ASAP3: variants seen among roughly 807,000 people sequenced by gnomAD.
ASAP3 encodes the protein ArfGAP with SH3 domain, ankyrin repeat and PH domain 3, also known as arf-GAP with SH3 domain, ANK repeat and PH domain-containing protein 3.
In ASAP3, 85 loss-of-function variants were observed where a neutral mutation model predicts 118.2. That is an observed-to-expected ratio of 0.72 (90% CI 0.60 to 0.86). ASAP3 has a LOEUF of 0.86. Among genes scored for constraint, ASAP3 ranks in the 40% least tolerant of loss-of-function variants. ASAP3 has a pLI of 0.00. For missense variants in ASAP3, 1,026 were observed against 1,175.0 expected (o/e 0.87, Z 1.85); for synonymous variants, 432 against 477.4 (o/e 0.90, Z 1.24).
At chr1:23,461,487 T>C (rs1641583520) in intron 1 of ASAP3, among the ~76,000 whole-genome samples, 1 of 151,918 alleles carries the variant, frequency 6.6e-6, no homozygotes, top group East Asian at 1.9e-4. Flanking sequence ...GGCAACATAG[T>C]GAGAGTCTGT....
Position 23,428,868 on chromosome 1 carries a change from T to C in ASAP3, c.*988A>G, listed in dbSNP as rs948137500. On this transcript the variant is annotated 3_prime_UTR_variant, in exon 25 of 25. Transcript: ENST00000336689. The stretch of plus-strand genomic sequence containing the variant: ...CTTTCTCATTGGGGCTGAGCAATGA[T>C]AGAATTTCTAGGGCTGGGAAGCAGA... 5 of 154,818 alleles carry C rather than the reference T, an allele frequency of 3.2e-5. No homozygotes were observed. Among genetic ancestry groups the C allele is most frequent in the Admixed American group, 2.6e-4 (4 of 15,300 alleles). The allele number at this position is 154,818 out of a possible 1,614,324, so 9.6% of individuals were successfully genotyped here. A position where few individuals can be genotyped will look rare whatever the true frequency, so the allele number is the denominator to read the frequency against.
At chr1:23,467,914 T>C (rs1641826827) in intron 1 of ASAP3, among the ~76,000 whole-genome samples, 1 of 141,062 alleles carries the variant, frequency 7.1e-6, no homozygotes, top group South Asian at 2.2e-4. Flanking sequence ...ATCACGCCAC[T>C]GCACTCTAGC....
intron 1 of ASAP3, among the ~76,000 whole-genome samples, chr1:23,460,668 G>A (rs1031098151): frequency 6.6e-6 from 1 of 152,184 alleles, no homozygotes; most frequent in Non-Finnish European, 1.5e-5. Context: ...CAGTTTGACA[G>A]TTTCTTAACT....
chr1:23,470,924 A>T (rs1259440936), intron 1 of ASAP3, among the ~76,000 whole-genome samples: 1 of 152,180 alleles, frequency 6.6e-6, no homozygotes, highest in African/African-American at 2.4e-5. Flanking sequence ...ATGAGCTAAG[A>T]GAACAAGAAC....
chr1:23,471,990 C>T (rs1190550004), intron 1 of ASAP3, among the ~76,000 whole-genome samples: 1 of 151,964 alleles, frequency 6.6e-6, no homozygotes, highest in East Asian at 1.9e-4. Context: ...AGAGATCAGA[C>T]AAAAAAGGCC....
intron 24 of ASAP3, 84 bp downstream of exon 24, chr1:23,430,951 C>T: frequency 7.6e-7 from 1 of 1,313,034 alleles, no homozygotes; most frequent in Admixed American, 2.7e-5. Flanking sequence ...GGAGGTCTCC[C>T]ACCCCAATAC....
intron 22 of ASAP3, among the ~76,000 whole-genome samples, chr1:23,432,650 T>C (rs890115192): frequency 6.6e-6 from 1 of 152,264 alleles, no homozygotes; most frequent in African/African-American, 2.4e-5. Context: ...TAGTATTCAA[T>C]GAAACACTCA....
At chr1:23,470,116 A>G (rs1159716902) in intron 1 of ASAP3, among the ~76,000 whole-genome samples, 1 of 152,202 alleles carries the variant, frequency 6.6e-6, no homozygotes, top group Non-Finnish European at 1.5e-5. Context: ...TTAAGCCCTC[A>G]GTGTGCCTCT....
chr1:23,451,425 A>C (rs1641210034), intron 5 of ASAP3, 54 bp downstream of exon 5: 2 of 1,569,464 alleles, frequency 1.3e-6, no homozygotes, highest in Admixed American at 3.3e-5. Flanking sequence ...GTTCTTCCCT[A>C]TCCAGCCTAA....
At chr1:23,430,990 G>C (rs377500808) in intron 24 of ASAP3, 45 bp downstream of exon 24, 1 of 1,484,062 alleles carries the variant, frequency 6.7e-7, no homozygotes. Flanking sequence ...CTGCCTCCCA[G>C]GCACCCTGCC....
In ASAP3 at chr1:23,436,795, G is replaced by T. The variant is rs1366520147; in HGVS notation, c.1476+116C>A. ...CCCGCCCCTGACCACCCGCTACCTG[G>T]CTTGTCCCAGCCCACCTCGGCCAGG... On this transcript the variant is annotated intron_variant, in intron 15 of 24. Transcript: ENST00000336689. The surrounding 1 kb of genome is among the most constrained non-coding windows in gnomAD (Gnocchi z 4.2). 1.8e-5 allele frequency: 28 copies of T among 1,543,250 alleles called. No individual in the cohort carries two copies. Among genetic ancestry groups the T allele is most frequent in the Non-Finnish European group, 2.3e-5 (26 of 1,142,568 alleles).
intron 5 of ASAP3, among the ~76,000 whole-genome samples, chr1:23,449,457 T>C (rs550078355): frequency 6.6e-6 from 1 of 152,152 alleles, no homozygotes; most frequent in Non-Finnish European, 1.5e-5. Flanking sequence ...CAGCCAGGGG[T>C]GAAGCTCCCA....
rs1640766883 is a variant in ASAP3 at position 23,438,851 on chromosome 1, G to A, written c.1015-17C>T. 2 of 1,612,924 alleles carry A rather than the reference G, an allele frequency of 1.2e-6. No homozygotes were observed. Among genetic ancestry groups the A allele is most frequent in the African/African-American group, 1.3e-5 (1 of 74,900 alleles). On this transcript the variant is annotated splice_polypyrimidine_tract_variant and intron_variant, in intron 11 of 24. Transcript: ENST00000336689. The surrounding 1 kb of genome is among the most constrained non-coding windows in gnomAD (Gnocchi z 4.9). ...CCGGTTTATCTGTGGGAATTTAGGG[G>A]CGGAGGATGTATGCATTACCTCTGG... is the stretch of plus-strand genomic sequence containing the variant.
intron 10 of ASAP3, among the ~76,000 whole-genome samples, chr1:23,440,684 G>A (rs1248233681): frequency 1.3e-5 from 2 of 149,850 alleles, no homozygotes; most frequent in Admixed American, 6.7e-5. Flanking sequence ...GTGAAACCCC[G>A]TCTCTACTAA....
chr1:23,478,216 G>C (rs1190176976), intron 1 of ASAP3, among the ~76,000 whole-genome samples: 1 of 152,228 alleles, frequency 6.6e-6, no homozygotes, highest in Admixed American at 6.5e-5. Context: ...TGTAATCCCA[G>C]CACTTTGGGA....
At chr1:23,441,255 G>C in intron 9 of ASAP3, 44 bp from the exon 10 acceptor site, 4 of 1,609,762 alleles carry the variant, frequency 2.5e-6, no homozygotes, top group Non-Finnish European at 3.4e-6. Flanking sequence ...CATCTCAGTG[G>C]GAAGAGCCCC....
At chr1:23,439,877 C>G (rs890391491) in intron 10 of ASAP3, among the ~76,000 whole-genome samples, 1 of 152,090 alleles carries the variant, frequency 6.6e-6, no homozygotes, top group Non-Finnish European at 1.5e-5. Context: ...TACAGTGGCA[C>G]GATCTCGGCT....
intron 17 of ASAP3, 129 bp from the exon 18 acceptor site, chr1:23,434,747 G>A: frequency 1.2e-6 from 1 of 806,280 alleles, no homozygotes; most frequent in Admixed American, 2.3e-5. Flanking sequence ...GGAGAGATGA[G>A]ACTGCAAGGG....
At chr1:23,440,500 CAAAAAAAA>C (rs35344912) in intron 10 of ASAP3, among the ~76,000 whole-genome samples, 5 of 24,316 alleles carry the variant, frequency 2.1e-4, no homozygotes, top group African/African-American at 1.0e-3. Flanking sequence ...GACTCCATCT[CAAAAAAAA>C]AAAAAAAAAA....
Sources: allele counts gnomAD v4.1 joint callset (sites outside exome capture counted in the v4.1 genomes callset), GRCh38; gene constraint gnomAD v4.1.1; non-coding constraint Gnocchi (gnomAD v3.1); transcripts MANE v1.5; gene names NCBI Gene and HGNC (gene_info 2026-07-23, HGNC 2026-07-21).